Variants in ELMOD1 observed in about 807,000 individuals in gnomAD.
ELMOD1 encodes ELMO domain-containing protein 1.
Under a neutral mutation model 46.7 loss-of-function variants are expected in ELMOD1, and 21 were observed. The observed-to-expected ratio is 0.45, with a 90% CI of 0.32 to 0.65. The LOEUF (loss-of-function observed/expected upper bound fraction) is 0.65. Among genes scored for constraint, ELMOD1 ranks in the 30% least tolerant of loss-of-function variants. ELMOD1 has a pLI of 0.04. For synonymous variants in ELMOD1, 122 were observed against 138.2 expected, an observed-to-expected ratio of 0.88 and a Z score of 0.82; for missense variants, 348 against 407.8, an observed-to-expected ratio of 0.85 and a Z score of 1.26.
chr11:107,640,093 T>A (rs1417648937), intron 6 of ELMOD1, among the ~76,000 whole-genome samples: 1 of 152,158 alleles, frequency 6.6e-6, no homozygotes, highest in African/African-American at 2.4e-5. Flanking sequence ...AACCTCCACC[T>A]CCCAGGTTCA....
chr11:107,616,981 T>A (rs917666944), intron 1 of ELMOD1, among the ~76,000 whole-genome samples: 1 of 152,140 alleles, frequency 6.6e-6, no homozygotes, highest in Non-Finnish European at 1.5e-5. Context: ...AACACAAAAG[T>A]ACAAAGGATA....
chr11:107,599,490 C>G (rs1227165033), intron 1 of ELMOD1, among the ~76,000 whole-genome samples: 2 of 151,782 alleles, frequency 1.3e-5, no homozygotes, highest in Non-Finnish European at 1.5e-5. Flanking sequence ...ACCTGTAATC[C>G]CTGCACTTTG....
At chr11:107,664,171 T>C (rs1056888574) in intron 11 of ELMOD1, among the ~76,000 whole-genome samples, 6 of 151,952 alleles carry the variant, frequency 3.9e-5, no homozygotes, top group African/African-American at 1.4e-4. Context: ...AAAACTAGGA[T>C]TACTTCCTTA....
At chr11:107,612,721 T>G (rs644484) in intron 1 of ELMOD1, among the ~76,000 whole-genome samples, 55 of 152,330 alleles carry the variant, frequency 3.6e-4, no homozygotes, top group African/African-American at 1.3e-3. Context: ...GATTGTCTAA[T>G]TAACAGCAAA....
chr11:107,594,681 C>T (rs77591780), intron 1 of ELMOD1, among the ~76,000 whole-genome samples: 4 of 152,128 alleles, frequency 2.6e-5, no homozygotes, highest in African/African-American at 4.8e-5. Context: ...TTTGAGATGC[C>T]GATCAATAGT....
In ELMOD1 at chr11:107,666,522, C is replaced by CT. The variant is rs1046864472; in HGVS notation, c.*1327dup. The CT allele has an allele frequency of 6.6e-6, 1 of 152,564 alleles. No individual in the cohort carries two copies. Among genetic ancestry groups the CT allele is most frequent in the Non-Finnish European group, 1.5e-5 (1 of 68,034 alleles). The allele number at this position is 152,564 out of a possible 1,614,324, so 9.5% of individuals were successfully genotyped here. A position where few individuals can be genotyped will look rare whatever the true frequency, so the allele number is the denominator to read the frequency against. ...TTGTATCAGTGGAAGAAGTAAGTTG[C>CT]TTAGAAAGGGAAAAGTCAAATTGTT... On this transcript the variant is annotated 3_prime_UTR_variant, in exon 12 of 12. Coordinates refer to ENST00000265840, the MANE Select transcript of ELMOD1 (RefSeq NM_018712.4).
chr11:107,664,377 C>T (rs1190738995), intron 11 of ELMOD1, among the ~76,000 whole-genome samples: 1 of 152,110 alleles, frequency 6.6e-6, no homozygotes, highest in Non-Finnish European at 1.5e-5. Flanking sequence ...ATATCAAATA[C>T]TTAACATTTA....
At chr11:107,656,930 G>A (rs192789701) in intron 11 of ELMOD1, among the ~76,000 whole-genome samples, 168 of 152,194 alleles carry the variant, frequency 1.1e-3, no homozygotes, top group Middle Eastern at 0.01. Context: ...TCAAATTAAC[G>A]GATCACTCTG....
At position 107,655,573 on chromosome 11, in the gene ELMOD1, C is replaced by CTT. The variant is rs746890763; in HGVS notation, c.699-346_699-345dup. ...ATCAGATTACCCATTATTGAAATGC[C>CTT]TTTTTTTTTTTTTTTGTAAAGTGAA... On this transcript the variant is annotated intron_variant, in intron 10 of 11. Coordinates refer to ENST00000265840, the MANE Select transcript of ELMOD1 (RefSeq NM_018712.4). Among the ~76,000 whole-genome samples the CTT allele has an allele frequency of 5.2e-4, 58 of 112,448 alleles. 2 individuals carry two copies. Among genetic ancestry groups the CTT allele is most frequent in the African/African-American group, 1.3e-3 (37 of 29,532 alleles). The allele number at this position is 112,448 out of a possible 152,430, so 73.8% of individuals were successfully genotyped here.
At chr11:107,592,500 A>G (rs1429567006) in intron 1 of ELMOD1, 7 of 525,772 alleles carry the variant, frequency 1.3e-5, no homozygotes, top group South Asian at 1.0e-4. Context: ...GGTGGAAAGC[A>G]GGTAGTATGC....
At chr11:107,601,765 C>T (rs1282595375) in intron 1 of ELMOD1, among the ~76,000 whole-genome samples, 1 of 151,906 alleles carries the variant, frequency 6.6e-6, no homozygotes, top group East Asian at 1.9e-4. Context: ...AATGAATATC[C>T]CAAATTTATC....
Position 107,654,228 on chromosome 11 carries a change from T to C in ELMOD1, c.698+6T>C. 6.3e-7 allele frequency: 1 copy of C among 1,588,278 alleles called. No homozygotes were observed. Among genetic ancestry groups the C allele is most frequent in the Non-Finnish European group, 8.6e-7 (1 of 1,166,450 alleles). On this transcript the variant is annotated splice_donor_region_variant and intron_variant, in intron 10 of 11. Coordinates refer to ENST00000265840, the MANE Select transcript of ELMOD1 (RefSeq NM_018712.4). ...AGGATGGATAAGGCAATTGGGTGAG[T>C]ATGGGATCTCACATGGAAAGATGGT...
chr11:107,623,774 TG>T (rs1367556998), intron 2 of ELMOD1: 1 of 152,232 alleles, frequency 6.6e-6, no homozygotes, highest in African/African-American at 2.4e-5. Context: ...GGAGGTCATA[TG>T]GCTTGCTGTG....
intron 11 of ELMOD1, 85 bp downstream of exon 11, chr11:107,656,151 G>T: frequency 7.1e-7 from 1 of 1,418,130 alleles, no homozygotes; most frequent in Non-Finnish European, 9.5e-7. Flanking sequence ...ACTTTGGGAG[G>T]CCAAGGCGAG....
At chr11:107,611,174 A>T (rs537126578) in intron 1 of ELMOD1, among the ~76,000 whole-genome samples, 1 of 152,208 alleles carries the variant, frequency 6.6e-6, no homozygotes, top group South Asian at 2.1e-4. Context: ...GTAAACAGAC[A>T]ACTGACAGAA....
intron 2 of ELMOD1, among the ~76,000 whole-genome samples, chr11:107,624,828 A>C (rs1013033715): frequency 6.6e-5 from 10 of 152,182 alleles, no homozygotes; most frequent in Admixed American, 3.3e-4. Context: ...TTTCCCTGGA[A>C]TATATTATAA....
intron 1 of ELMOD1, among the ~76,000 whole-genome samples, chr11:107,607,656 AAAACAAACAAAC>A (rs57709612): frequency 0.1 from 15,917 of 151,652 alleles, 1,879 homozygotes; most frequent in African/African-American, 0.3. Flanking sequence ...GAACCTGTCT[AAAACAAACAAAC>A]AAACAAACAA....
intron 1 of ELMOD1, among the ~76,000 whole-genome samples, chr11:107,616,220 T>C (rs1334091678): frequency 2.0e-5 from 3 of 152,102 alleles, no homozygotes; most frequent in South Asian, 2.1e-4. Flanking sequence ...GGTCTCAAAC[T>C]GCTGGCCTCA....
At chr11:107,628,240 C>T (rs1414866252) in intron 2 of ELMOD1, among the ~76,000 whole-genome samples, 1 of 152,064 alleles carries the variant, frequency 6.6e-6, no homozygotes, top group African/African-American at 2.4e-5. Context: ...GATCTCGGCT[C>T]ACTGCAACCT....
Sources: gnomAD v4.1 joint callset for allele counts (sites outside exome capture counted in the v4.1 genomes callset) on GRCh38, gnomAD v4.1.1 for gene constraint, MANE v1.5 for transcripts, NCBI Gene and HGNC (gene_info 2026-07-23, HGNC 2026-07-21) for gene names.